The following KALRN variants were observed in gnomAD, a reference collection of about 807,000 sequenced individuals.
The protein encoded by KALRN is kalirin.
Under a neutral mutation model 353.7 loss-of-function variants are expected in KALRN, and 70 were observed. The ratio of observed to expected loss-of-function variants is 0.20; its 90% CI spans 0.16 to 0.24. The LOEUF (loss-of-function observed/expected upper bound fraction) is 0.24, where lower values mean the gene tolerates loss of function less well. Among genes scored for constraint, KALRN ranks in the 10% least tolerant of loss-of-function variants. The probability of loss-of-function intolerance (pLI) is 1.00; values close to 1 mark genes in which losing one functional copy is unlikely to be tolerated. For missense variants in KALRN, 2,791 were observed against 3,756.7 expected (o/e 0.74, Z 6.72); for synonymous variants, 1,391 against 1,434.8 (o/e 0.97, Z 0.69).
intron 1 of KALRN, among the ~76,000 whole-genome samples, chr3:124,139,108 C>A (rs1008338868): frequency 6.6e-6 from 1 of 152,060 alleles, no homozygotes; most frequent in Admixed American, 6.6e-5. Context: ...GAAGAGCTCT[C>A]CTCTCAGGTT....
intron 6 of KALRN, among the ~76,000 whole-genome samples, chr3:124,317,826 T>C (rs1413566010): frequency 6.6e-6 from 1 of 151,232 alleles, no homozygotes; most frequent in African/African-American, 2.4e-5. Context: ...ACCTTAAAGG[T>C]AGCCTAAAGT....
At chr3:124,409,785 A>C (rs2091970044) in intron 13 of KALRN, among the ~76,000 whole-genome samples, 1 of 152,226 alleles carries the variant, frequency 6.6e-6, no homozygotes, top group South Asian at 2.1e-4. Context: ...AATGAAAAAA[A>C]CATTCCTTGA....
intron 1 of KALRN, among the ~76,000 whole-genome samples, chr3:124,156,192 T>C (rs2068963621): frequency 6.6e-6 from 1 of 152,022 alleles, no homozygotes; most frequent in Non-Finnish European, 1.5e-5. Context: ...GTTCAGGGAG[T>C]TTCCCTCCAC....
At chr3:124,397,790 C>T (rs1234351277) in intron 12 of KALRN, among the ~76,000 whole-genome samples, 1 of 152,212 alleles carries the variant, frequency 6.6e-6, no homozygotes, top group Non-Finnish European at 1.5e-5. Context: ...GACTGTGTTT[C>T]TCCATTTCTT....
rs147106015 is a variant in KALRN, at chr3:124,213,643, CAT to C, written c.74-14346_74-14345del. Among the ~76,000 whole-genome samples, 1,301 of 152,174 alleles carry C rather than the reference CAT, an allele frequency of 8.5e-3. 17 individuals are homozygous for C. Among genetic ancestry groups the C allele is most frequent in the African/African-American group, 0.029 (1,212 of 41,544 alleles). ...AATGTTTAGCTTTTTAATCCAAAAA[CAT>C]GTGATTTTATTTGAATTTTATTTTA... On this transcript the variant is annotated intron_variant, in intron 1 of 59. Coordinates refer to ENST00000682506, the MANE Select transcript of KALRN (RefSeq NM_001388419.1).
chr3:124,470,528 GT>G (rs34633804), intron 25 of KALRN, among the ~76,000 whole-genome samples: 36,042 of 67,950 alleles, frequency 0.53, 5,223 homozygotes, highest in East Asian at 0.61. Context: ...AGCTGAATAG[GT>G]TTTTTAAAAA....
intron 5 of KALRN, among the ~76,000 whole-genome samples, chr3:124,285,333 T>G (rs1184317210): frequency 6.6e-6 from 1 of 152,092 alleles, no homozygotes. Flanking sequence ...AGTATGCCTG[T>G]GTTAAAACTA....
At chr3:124,382,362 T>C (rs1238166226) in intron 10 of KALRN, among the ~76,000 whole-genome samples, 6 of 152,230 alleles carry the variant, frequency 3.9e-5, no homozygotes, top group African/African-American at 1.2e-4. Context: ...TTATGTATTG[T>C]CATGTTATTT....
chr3:124,577,253 C>G (rs908171664), intron 34 of KALRN, among the ~76,000 whole-genome samples: 4 of 151,850 alleles, frequency 2.6e-5, no homozygotes, highest in African/African-American at 9.7e-5. Flanking sequence ...GAGCTGGGGC[C>G]TCTCTTAAGG....
chr3:124,093,104 G>A (rs2061219846), intron 1 of KALRN, among the ~76,000 whole-genome samples: 1 of 152,198 alleles, frequency 6.6e-6, no homozygotes, highest in East Asian at 1.9e-4. Context: ...GGGGGGCAGG[G>A]GCAGGCGGTG....
chr3:124,623,980 G>A (rs1261755043), intron 34 of KALRN, among the ~76,000 whole-genome samples: 1 of 152,196 alleles, frequency 6.6e-6, no homozygotes, highest in Non-Finnish European at 1.5e-5. Context: ...GTCTATCTGA[G>A]GTTTCACTTT....
intron 15 of KALRN, among the ~76,000 whole-genome samples, chr3:124,424,775 G>A (rs1052844505): frequency 6.6e-6 from 1 of 152,200 alleles, no homozygotes; most frequent in Non-Finnish European, 1.5e-5. Flanking sequence ...CTTTTCATAT[G>A]AGAAATCCTT....
chr3:124,167,443 A>C (rs1313997056), intron 1 of KALRN, among the ~76,000 whole-genome samples: 5 of 152,246 alleles, frequency 3.3e-5, no homozygotes, highest in Admixed American at 2.6e-4. Context: ...TGACCCGAGG[A>C]GAAAGATACA....
chr3:124,449,939 T>C (rs1205072628), intron 21 of KALRN, among the ~76,000 whole-genome samples: 1 of 152,262 alleles, frequency 6.6e-6, no homozygotes, highest in East Asian at 1.9e-4. Context: ...TGTTTACTAT[T>C]CATCAGTTGA....
chr3:124,156,959 C>T (rs980743638), intron 1 of KALRN, among the ~76,000 whole-genome samples: 1 of 152,092 alleles, frequency 6.6e-6, no homozygotes, highest in Non-Finnish European at 1.5e-5. Context: ...AATGTCTGTT[C>T]TTTTAAAATA....
intron 34 of KALRN, among the ~76,000 whole-genome samples, chr3:124,587,179 G>A (rs959684585): frequency 9.9e-5 from 15 of 152,172 alleles, no homozygotes; most frequent in African/African-American, 3.4e-4. Flanking sequence ...AGTTCCTCTG[G>A]TCTTAGGGAA....
intron 55 of KALRN, among the ~76,000 whole-genome samples, chr3:124,698,321 T>C (rs897020154): frequency 6.6e-6 from 1 of 152,208 alleles, no homozygotes; most frequent in African/African-American, 2.4e-5. Context: ...AGGAGGTCCT[T>C]CAGAATTGTG....
At chr3:124,077,221 G>C (rs2060301783) in intron 1 of KALRN, among the ~76,000 whole-genome samples, 1 of 152,212 alleles carries the variant, frequency 6.6e-6, no homozygotes, top group Admixed American at 6.5e-5. Context: ...ACATGGTTGT[G>C]TGATGTCTCA....
intron 34 of KALRN, among the ~76,000 whole-genome samples, chr3:124,563,898 G>C (rs1017842327): frequency 6.6e-6 from 1 of 151,944 alleles, no homozygotes; most frequent in Non-Finnish European, 1.5e-5. Context: ...GGGAGGCTGA[G>C]GCAGGAGAAT....
Sources: allele counts gnomAD v4.1 joint callset (sites outside exome capture counted in the v4.1 genomes callset), GRCh38; gene constraint gnomAD v4.1.1; transcripts MANE v1.5; gene names NCBI Gene and HGNC (gene_info 2026-07-23, HGNC 2026-07-21).